The following RNF43 variants were observed in gnomAD, a reference collection of about 807,000 sequenced individuals.
RNF43 encodes E3 ubiquitin-protein ligase RNF43.
In RNF43, 37 loss-of-function variants were observed where a neutral mutation model predicts 78.4. The ratio of observed to expected loss-of-function variants is 0.47; its 90% CI spans 0.36 to 0.62. RNF43 has a LOEUF of 0.62. Among genes scored for constraint, RNF43 ranks in the 20% least tolerant of loss-of-function variants. The probability of loss-of-function intolerance (pLI) is 0.00; values close to 1 mark genes in which losing one functional copy is unlikely to be tolerated. For synonymous variants in RNF43, 347 were observed against 395.0 expected (o/e 0.88, Z 1.44); for missense variants, 774 against 1,007.9 (o/e 0.77, Z 3.14).
intron 2 of RNF43, among the ~76,000 whole-genome samples, chr17:58,371,770 A>G (rs1186586667): frequency 6.6e-6 from 1 of 152,206 alleles, no homozygotes; most frequent in East Asian, 1.9e-4. Flanking sequence ...CATCTGCTCT[A>G]AGGGCAGATC....
Position 58,355,156 on chromosome 17 carries a change from G to A in RNF43, c.2309-170C>T, listed in dbSNP as rs1177287099. On this transcript the variant is annotated intron_variant, in intron 9 of 9. Coordinates refer to ENST00000407977, the MANE Select transcript of RNF43 (RefSeq NM_017763.6). ...CTAAGGGGGCCCCAGTTGGGACACA[G>A]GGGAGAGAAAAACAAATCTAAAGAA... Among the ~76,000 whole-genome samples the A allele has an allele frequency of 2.0e-5, 3 of 152,212 alleles. No homozygotes were observed. The East Asian group carries it at 5.8e-4, about 29-fold the overall frequency.
rs1972770102 is a variant in RNF43, at chr17:58,358,893, T to C, written c.953-70A>G. ...TACAGAGAATGCATTCAGAAAGACA[T>C]GGCTGTAGCTAATCTATTTGACCCT... On this transcript the variant is annotated intron_variant, in intron 8 of 9. Transcript: ENST00000407977. The surrounding 1 kb of genome is among the most constrained non-coding windows in gnomAD (Gnocchi z 6.2). 2 of 1,390,838 alleles carry C rather than the reference T, an allele frequency of 1.4e-6. No homozygotes were observed. The highest frequency in any genetic ancestry group is 1.9e-6 in the Non-Finnish European group (2 of 1,061,592). 86.2% of individuals were successfully genotyped at this position (1,390,838 alleles called of 1,614,324 possible).
rs1162714205 is a variant in RNF43 at position 58,358,051 on chromosome 17, G to T, written c.1725C>A (p.Val575=). The change falls in exon 9 of 10, where the codon GTC becomes GTA. Residue 575 remains valine (V), a synonymous_variant. Coordinates refer to ENST00000407977, the MANE Select transcript of RNF43 (RefSeq NM_017763.6). This position sits in a 1 kb window ranked among gnomAD's most constrained non-coding sequence, Gnocchi z 6.2. ...HGRKPGPETG[V]PQSRPPIPRT... The stretch of plus-strand genomic sequence containing the variant: ...GAGGAATAGGAGGCCTGGACTGGGG[G>T]ACTCCGGTTTCTGGGCCAGGCTTCC... The T allele has an allele frequency of 1.3e-6, 2 of 1,590,626 alleles. No homozygotes were observed. Among genetic ancestry groups the T allele is most frequent in the Non-Finnish European group, 1.7e-6 (2 of 1,168,830 alleles).
intron 2 of RNF43, among the ~76,000 whole-genome samples, chr17:58,400,470 T>C (rs902733477): frequency 5.3e-5 from 8 of 152,232 alleles, no homozygotes; most frequent in Non-Finnish European, 1.2e-4. Context: ...GTTTAATTAC[T>C]ATTAATAATA....
intron 3 of RNF43, among the ~76,000 whole-genome samples, chr17:58,365,664 T>C (rs771899855): frequency 1.3e-5 from 2 of 152,204 alleles, no homozygotes; most frequent in Non-Finnish European, 2.9e-5. Flanking sequence ...TGGGGACAGA[T>C]AGCAGTCCAA....
intron 2 of RNF43, among the ~76,000 whole-genome samples, chr17:58,378,552 T>A (rs568960620): frequency 1.3e-5 from 2 of 152,368 alleles, no homozygotes; most frequent in South Asian, 2.1e-4. Context: ...ATCTATTTTT[T>A]AAAAATTATT....
At position 58,413,366 on chromosome 17, in the gene RNF43, G is replaced by A. The variant is rs982672554; in HGVS notation, c.252+1960C>T. On this transcript the variant is annotated intron_variant, in intron 2 of 9. Transcript: ENST00000407977. ...AAAATTGATTAACAGACAATAAACC[G>A]AAACCAATATGGAAAGTATCCAGAA... Among the ~76,000 whole-genome samples the A allele has an allele frequency of 5.3e-5, 8 of 152,158 alleles. No homozygotes were observed. In the South Asian group the frequency reaches 6.2e-4, roughly 12 times the overall value.
At chr17:58,370,068 T>TTG (rs952261333) in intron 3 of RNF43, among the ~76,000 whole-genome samples, 7 of 99,460 alleles carry the variant, frequency 7.0e-5, no homozygotes, top group African/African-American at 2.0e-4. Flanking sequence ...GAGTTTTTTT[T>TTG]TTTTTTTTTT....
chr17:58,377,833 G>C (rs959466905), intron 2 of RNF43, among the ~76,000 whole-genome samples: 62 of 151,952 alleles, frequency 4.1e-4, no homozygotes, highest in African/African-American at 1.4e-3. Flanking sequence ...AGGCATCAAA[G>C]GCATCATTCT....
intron 2 of RNF43, among the ~76,000 whole-genome samples, chr17:58,393,394 C>T (rs1271605976): frequency 1.3e-5 from 2 of 151,710 alleles, no homozygotes; most frequent in Admixed American, 1.3e-4. Flanking sequence ...GCATCCAGAG[C>T]AAAACTCCAT....
intron 2 of RNF43, among the ~76,000 whole-genome samples, chr17:58,376,991 T>C (rs567328922): frequency 2.6e-5 from 4 of 152,318 alleles, no homozygotes; most frequent in Admixed American, 2.0e-4. Flanking sequence ...TGAACTGTCC[T>C]TCGGTGGTGT....
At chr17:58,369,068 T>TACACAC (rs369670104) in intron 3 of RNF43, among the ~76,000 whole-genome samples, 49 of 145,020 alleles carry the variant, frequency 3.4e-4, no homozygotes, top group African/African-American at 1.2e-3. Context: ...CTCTCTCTCA[T>TACACAC]ACACACACAC....
chr17:58,378,759 GAA>G (rs1248984842), intron 2 of RNF43, among the ~76,000 whole-genome samples: 1 of 151,864 alleles, frequency 6.6e-6, no homozygotes, highest in Non-Finnish European at 1.5e-5. Flanking sequence ...GCTGGTGAGC[GAA>G]AGAGCTGACA....
At chr17:58,355,276 G>A (rs953584721) in intron 9 of RNF43, among the ~76,000 whole-genome samples, 5 of 152,188 alleles carry the variant, frequency 3.3e-5, no homozygotes, top group South Asian at 2.1e-4. Context: ...CTGCTACCAC[G>A]TGCCAAATAG....
chr17:58,415,456 G>A lies in RNF43; in HGVS notation c.122C>T (p.Ser41Leu), dbSNP rs1974104271. Residue 41 changes from serine (S) to leucine (L), a missense_variant, in exon 2 of 10, where the codon TCA becomes TTA. By Grantham distance (145) the Ser-to-Leu change is moderately radical (BLOSUM62 -2). Transcript: ENST00000407977. ...VLAAAVESER[S>L]AEQKAIIRVI... ...TCTGATAATAGCTTTCTGTTCTGCTGATCTTTCAGACTCCACCGCTGCTGC... is the reference window on the plus strand; with the variant it reads ...TCTGATAATAGCTTTCTGTTCTGCTAATCTTTCAGACTCCACCGCTGCTGC... 5.6e-6 allele frequency: 9 copies of A among 1,614,042 alleles called. No individual in the cohort carries two copies. Among genetic ancestry groups the A allele is most frequent in the African/African-American group, 1.3e-5 (1 of 74,938 alleles).
chr17:58,364,358 C>T (rs922014095), intron 3 of RNF43, among the ~76,000 whole-genome samples: 3 of 152,196 alleles, frequency 2.0e-5, no homozygotes, highest in African/African-American at 4.8e-5. Context: ...AGTATGCACA[C>T]GTGCATGTTC....
chr17:58,391,629 C>T (rs1973562148), intron 2 of RNF43, among the ~76,000 whole-genome samples: 1 of 152,188 alleles, frequency 6.6e-6, no homozygotes, highest in African/African-American at 2.4e-5. Context: ...GAACTGTTTA[C>T]AGGCTGAGTT....
rs2143425043 is a variant in RNF43, at chr17:58,358,704, G to A, written c.1072C>T (p.Leu358=). The A allele has an allele frequency of 1.9e-6, 3 of 1,545,916 alleles. No homozygotes were observed. Among genetic ancestry groups the A allele is most frequent in the Non-Finnish European group, 2.6e-6 (3 of 1,144,394 alleles). ...ACTGCACTCCGGGAAGGGCCCAACA[G>A]GTAGGCAGCAGGGAGGTGGTAGTGG... The part of the protein sequence containing the change: ...HAHYHLPAAY[L]LGPSRSAVAR... The change falls in exon 9 of 10, where the codon CTG becomes TTG. Residue 358 remains leucine (L), a synonymous_variant. Coordinates refer to ENST00000407977, the MANE Select transcript of RNF43 (RefSeq NM_017763.6). This position sits in a 1 kb window ranked among gnomAD's most constrained non-coding sequence, Gnocchi z 6.2.
chr17:58,382,729 G>A (rs1275576202), intron 2 of RNF43, among the ~76,000 whole-genome samples: 1 of 152,208 alleles, frequency 6.6e-6, no homozygotes, highest in African/African-American at 2.4e-5. Context: ...GGTCTCAGGA[G>A]AGTAACACCT....
Sources: gnomAD v4.1 joint callset for allele counts (sites outside exome capture counted in the v4.1 genomes callset) on GRCh38, gnomAD v4.1.1 for gene constraint, Gnocchi (gnomAD v3.1) non-coding constraint, MANE v1.5 for transcripts, NCBI Gene and HGNC (gene_info 2026-07-23, HGNC 2026-07-21) for gene names.